Variants in FRAS1 observed in about 807,000 individuals in gnomAD.
FRAS1 encodes Fraser extracellular matrix complex subunit 1.
FRAS1 carries 290 observed loss-of-function variants against 435.2 expected under a neutral mutation model. The ratio of observed to expected loss-of-function variants is 0.67; its 90% CI spans 0.61 to 0.73. FRAS1 has a LOEUF of 0.73. FRAS1 is among the 30% of genes least tolerant of loss of function. The pLI is 0.00. For synonymous variants in FRAS1, 1,800 were observed against 1,851.0 expected (o/e 0.97, Z 0.71); for missense variants, 4,860 against 5,001.5 (o/e 0.97, Z 0.85).
At chr4:78,482,954 TTCAGGTGTGATAGGAG>T (rs1720058224) in intron 58 of FRAS1, among the ~76,000 whole-genome samples, 1 of 152,198 alleles carries the variant, frequency 6.6e-6, no homozygotes, top group Admixed American at 6.5e-5. Flanking sequence ...AAGCAGAGTC[TTCAGGTGTGATAGGAG>T]TCTATCTAAT....
At chr4:78,449,665 A>T (rs1718959897) in intron 44 of FRAS1, among the ~76,000 whole-genome samples, 1 of 152,116 alleles carries the variant, frequency 6.6e-6, no homozygotes, top group South Asian at 2.1e-4. Flanking sequence ...TGCTCCTAAC[A>T]TCCTCTGTCC....
intron 3 of FRAS1, among the ~76,000 whole-genome samples, chr4:78,239,603 C>T (rs1214060709): frequency 6.6e-6 from 1 of 152,140 alleles, no homozygotes; most frequent in Non-Finnish European, 1.5e-5. Context: ...TTCCCAATGT[C>T]CTTTAAGGTA....
chr4:78,108,950 A>C lies in FRAS1; in HGVS notation c.108+42934A>C, dbSNP rs1213207964. 2.6e-4 allele frequency among the ~76,000 whole-genome samples: 25 copies of C among 97,714 alleles called. No individual in the cohort carries two copies. The East Asian group carries it at 6.3e-3, about 25-fold the overall frequency. 64.1% of individuals were successfully genotyped at this position (97,714 alleles called of 152,430 possible). A position where few individuals can be genotyped will look rare whatever the true frequency, so the allele number is the denominator to read the frequency against. On this transcript the variant is annotated intron_variant, in intron 2 of 73. Transcript: ENST00000512123. ...CGATCCCACAGAAATACAAACTACCATCAGAGAATACTACAAACACCTCTA... is the reference window on the plus strand; with the variant it reads ...CGATCCCACAGAAATACAAACTACCCTCAGAGAATACTACAAACACCTCTA...
At chr4:78,135,548 C>T (rs1352364154) in intron 2 of FRAS1, among the ~76,000 whole-genome samples, 1 of 152,194 alleles carries the variant, frequency 6.6e-6, no homozygotes, top group East Asian at 1.9e-4. Context: ...AAAGGCATTT[C>T]AGGAGACACT....
At chr4:78,144,630 A>G (rs1441030505) in intron 2 of FRAS1, among the ~76,000 whole-genome samples, 1 of 152,182 alleles carries the variant, frequency 6.6e-6, no homozygotes, top group Non-Finnish European at 1.5e-5. Context: ...TGAAAAAATT[A>G]AATCCCAGAT....
chr4:78,540,084 A>G (rs1258053820), intron 73 of FRAS1, among the ~76,000 whole-genome samples: 2 of 152,214 alleles, frequency 1.3e-5, no homozygotes, highest in Non-Finnish European at 2.9e-5. Context: ...TGCACAGAGT[A>G]TATGTTTAGT....
rs781749700 is a variant in FRAS1 at position 78,237,530 on chromosome 4, C to A, written c.129C>A (p.Pro43=). 1.9e-6 allele frequency: 3 copies of A among 1,612,802 alleles called. No homozygotes were observed. The Admixed American group carries it at 5.0e-5, about 27-fold the overall frequency. The change falls in exon 3 of 74, where the codon CCC becomes CCA. Residue 43 remains proline, a synonymous_variant. Coordinates refer to ENST00000512123, the MANE Select transcript of FRAS1 (RefSeq NM_025074.7). ...TACAGGATGCCACAATTTGGAAGCC[C>A]GATTCATGCCAGAGCTGCCGTTGCC... is the stretch of plus-strand genomic sequence containing the variant. ...SLLADATIWK[P]DSCQSCRCHG... is the part of the protein sequence containing the mutation.
At position 78,291,713 on chromosome 4, in the gene FRAS1, A is replaced by G. The variant is rs72657043; in HGVS notation, c.1534+5174A>G. 3.9e-5 allele frequency among the ~76,000 whole-genome samples: 6 copies of G among 152,330 alleles called. No individual in the cohort carries two copies. In the East Asian group the frequency reaches 9.6e-4, roughly 24 times the overall value. ...AGTAAATAAGATTCAGTCTTTGCCT[A>G]TAGTGAGCTCACAGTCAAGGCAGGT... is the stretch of plus-strand genomic sequence containing the variant. On this transcript the variant is annotated intron_variant, in intron 14 of 73. Coordinates refer to ENST00000512123, the MANE Select transcript of FRAS1 (RefSeq NM_025074.7).
At position 78,400,829 on chromosome 4, in the gene FRAS1, T is replaced by C. The variant is rs1395618866; in HGVS notation, c.4071T>C (p.Ala1357=). The C allele has an allele frequency of 9.3e-6, 15 of 1,613,820 alleles. No individual in the cohort carries two copies. The highest frequency in any genetic ancestry group is 1.2e-5 in the Non-Finnish European group (14 of 1,179,796). Residue 1357 remains alanine (A), a synonymous_variant, in exon 30 of 74, where the codon GCT becomes GCC. Coordinates refer to ENST00000512123, the MANE Select transcript of FRAS1 (RefSeq NM_025074.7). ...CCAACAGAATCTTACAGGCCGAGGCTCCTGGTGCCAGTGCTGAAGAAATCA... is the reference window on the plus strand; with the variant it reads ...CCAACAGAATCTTACAGGCCGAGGCCCCTGGTGCCAGTGCTGAAGAAATCA... ...QITNRILQAE[A]PGASAEEIIY... is the part of the protein sequence containing the mutation.
chr4:78,194,524 A>G (rs969934264), intron 2 of FRAS1, among the ~76,000 whole-genome samples: 1 of 152,034 alleles, frequency 6.6e-6, no homozygotes, highest in East Asian at 1.9e-4. Flanking sequence ...CATTCATTTG[A>G]TCTTCCATCA....
chr4:78,364,857 C>T (rs1257206290), intron 22 of FRAS1, among the ~76,000 whole-genome samples: 1 of 152,184 alleles, frequency 6.6e-6, no homozygotes, highest in East Asian at 1.9e-4. Flanking sequence ...GGGTACCATG[C>T]TGAAGGAATT....
chr4:78,286,416 C>T lies in FRAS1; in HGVS notation c.1411C>T (p.Gln471Ter), dbSNP rs1727605082. Residue 471 changes from glutamine (Q) to a stop codon, truncating the protein, a stop_gained, in exon 14 of 74, where the codon CAG becomes TAG. Coordinates refer to ENST00000512123, the MANE Select transcript of FRAS1 (RefSeq NM_025074.7). LOFTEE classifies it high-confidence loss of function. ...AGSLCLACQP[Q>*]CSTCTSGLEC... ...TTATCTGGAGTCAGCCTGCCAGCCC[C>T]AGTGCTCCACGTGTACCAGTGGGCT... 1.9e-6 allele frequency: 3 copies of T among 1,613,482 alleles called. No homozygotes were observed. Among genetic ancestry groups the T allele is most frequent in the South Asian group, 1.1e-5 (1 of 91,084 alleles).
At chr4:78,094,136 T>C (rs1168294460) in intron 2 of FRAS1, among the ~76,000 whole-genome samples, 4 of 138,744 alleles carry the variant, frequency 2.9e-5, no homozygotes, top group Non-Finnish European at 4.6e-5. Context: ...TTTGCAACTG[T>C]AAAAATGAAA....
chr4:78,287,797 A>T (rs1440868571), intron 14 of FRAS1, among the ~76,000 whole-genome samples: 1 of 152,172 alleles, frequency 6.6e-6, no homozygotes, highest in Non-Finnish European at 1.5e-5. Flanking sequence ...AGCGGAGCTC[A>T]TGGGGTTGTG....
At chr4:78,065,719 T>C (rs945085752) in intron 1 of FRAS1, among the ~76,000 whole-genome samples, 20 of 152,308 alleles carry the variant, frequency 1.3e-4, no homozygotes, top group African/African-American at 4.1e-4. Flanking sequence ...ACTGTATTTA[T>C]AGCATGTCGT....
intron 2 of FRAS1, among the ~76,000 whole-genome samples, chr4:78,078,223 T>G (rs1454680715): frequency 2.6e-5 from 4 of 152,204 alleles, no homozygotes; most frequent in African/African-American, 7.2e-5. Context: ...TATTTTGGTG[T>G]TGTAAGCAAC....
At chr4:78,260,430 G>C (rs1259495213) in intron 6 of FRAS1, among the ~76,000 whole-genome samples, 1 of 152,148 alleles carries the variant, frequency 6.6e-6, no homozygotes, top group Non-Finnish European at 1.5e-5. Flanking sequence ...TCCCTTGTAA[G>C]TTGGATTCCT....
chr4:78,082,563 T>C (rs981401393), intron 2 of FRAS1, among the ~76,000 whole-genome samples: 4 of 152,246 alleles, frequency 2.6e-5, no homozygotes, highest in Admixed American at 2.0e-4. Context: ...GGCTTTTTTT[T>C]CTTCTGTTAG....
At chr4:78,192,328 A>T (rs896809280) in intron 2 of FRAS1, among the ~76,000 whole-genome samples, 2 of 152,066 alleles carry the variant, frequency 1.3e-5, no homozygotes, top group Admixed American at 6.5e-5. Flanking sequence ...CCCTTTTTCT[A>T]TTGATAGGAA....
Sources: gnomAD v4.1 joint callset for allele counts (sites outside exome capture counted in the v4.1 genomes callset) on GRCh38, gnomAD v4.1.1 for gene constraint, MANE v1.5 for transcripts, NCBI Gene and HGNC (gene_info 2026-07-23, HGNC 2026-07-21) for gene names.